Variants in SH3D19 observed in about 807,000 individuals in gnomAD.
The protein encoded by SH3D19 is SH3 domain-containing protein 19.
In SH3D19, 58 loss-of-function variants were observed where a neutral mutation model predicts 112.1. The ratio of observed to expected loss-of-function variants is 0.52; its 90% CI spans 0.42 to 0.64. The LOEUF (loss-of-function observed/expected upper bound fraction) is 0.64. Ranked by LOEUF, SH3D19 falls within the 30% of genes least tolerant of loss-of-function variation. The probability of loss-of-function intolerance (pLI) is 0.00; values close to 1 mark genes in which losing one functional copy is unlikely to be tolerated. For missense variants in SH3D19, 1,090 were observed against 1,263.4 expected (o/e 0.86, Z 2.08); for synonymous variants, 391 against 448.5 (o/e 0.87, Z 1.62).
At chr4:151,316,512 G>C (rs951082485) in intron 1 of SH3D19, among the ~76,000 whole-genome samples, 4 of 151,746 alleles carry the variant, frequency 2.6e-5, no homozygotes, top group Admixed American at 1.3e-4. Context: ...GGGGTATATG[G>C]GAGCTCTTTG....
At chr4:151,255,871 T>C (rs981816788) in intron 1 of SH3D19, among the ~76,000 whole-genome samples, 1 of 152,136 alleles carries the variant, frequency 6.6e-6, no homozygotes, top group African/African-American at 2.4e-5. Context: ...CCAAAACCAG[T>C]CAGGCGTGGC....
At chr4:151,283,090 A>C (rs1457941459) in intron 1 of SH3D19, 2 of 1,609,992 alleles carry the variant, frequency 1.2e-6, no homozygotes, top group Admixed American at 1.7e-5. Flanking sequence ...GGTTGCTTTA[A>C]TCTTTTGTTC....
At chr4:151,316,624 G>A (rs975754627) in intron 1 of SH3D19, among the ~76,000 whole-genome samples, 1 of 150,116 alleles carries the variant, frequency 6.7e-6, no homozygotes. Flanking sequence ...GTATAACTTG[G>A]AACAAATTTT....
intron 1 of SH3D19, among the ~76,000 whole-genome samples, chr4:151,273,442 T>C (rs1446471545): frequency 6.6e-6 from 1 of 151,516 alleles, no homozygotes; most frequent in Non-Finnish European, 1.5e-5. Flanking sequence ...TACAAAAAAT[T>C]AGCTGGGCGT....
Position 151,127,610 on chromosome 4 carries a change from A to C in SH3D19, c.3027+8T>G. 1 of 1,558,122 alleles carries C rather than the reference A, an allele frequency of 6.4e-7. No homozygotes were observed. The highest frequency in any genetic ancestry group is 8.7e-7 in the Non-Finnish European group (1 of 1,145,704). ...TTAATGCAGTTATGAAGAGATACAC[A>C]TTCTGACCTTGAAGGAAAGTTCATC... On this transcript the variant is annotated splice_region_variant and intron_variant, in intron 19 of 19. Coordinates refer to ENST00000604030, the MANE Select transcript of SH3D19 (RefSeq NM_001378122.1).
At chr4:151,303,367 T>C (rs1227975124) in intron 1 of SH3D19, among the ~76,000 whole-genome samples, 1 of 152,234 alleles carries the variant, frequency 6.6e-6, no homozygotes, top group East Asian at 1.9e-4. Flanking sequence ...ATTAACAGGA[T>C]GGCATTTGCT....
intron 1 of SH3D19, among the ~76,000 whole-genome samples, chr4:151,316,713 C>T (rs1390320613): frequency 6.6e-6 from 1 of 151,898 alleles, no homozygotes; most frequent in African/African-American, 2.4e-5. Flanking sequence ...AGCTCCTACC[C>T]TCACCCCCAT....
intron 1 of SH3D19, among the ~76,000 whole-genome samples, chr4:151,231,954 T>C (rs1028519088): frequency 3.3e-5 from 5 of 151,998 alleles, no homozygotes; most frequent in Non-Finnish European, 7.4e-5. Flanking sequence ...GAGGCTGAGG[T>C]GGGCGGATCA....
intron 1 of SH3D19, among the ~76,000 whole-genome samples, chr4:151,287,260 GA>G (rs1774891628): frequency 6.8e-6 from 1 of 146,828 alleles, no homozygotes; most frequent in South Asian, 2.2e-4. Context: ...AGAATCACTT[GA>G]ACCCGGGAGG....
intron 1 of SH3D19, among the ~76,000 whole-genome samples, chr4:151,318,851 A>T (rs1730268030): frequency 3.3e-5 from 5 of 152,196 alleles, no homozygotes; most frequent in Admixed American, 3.3e-4. Context: ...TGATTCTCTC[A>T]TGTCAAACTG....
At chr4:151,233,360 C>G (rs1164950162) in intron 1 of SH3D19, among the ~76,000 whole-genome samples, 4 of 152,168 alleles carry the variant, frequency 2.6e-5, no homozygotes, top group African/African-American at 9.7e-5. Flanking sequence ...ATGAGACCAG[C>G]CCCTGGTGCC....
intron 7 of SH3D19, among the ~76,000 whole-genome samples, chr4:151,168,328 A>G (rs988912946): frequency 2.6e-5 from 4 of 152,138 alleles, no homozygotes; most frequent in Admixed American, 2.6e-4. Context: ...TCTTTCCAAA[A>G]ACTGGATTTT....
At chr4:151,190,290 A>G (rs1762422345) in intron 2 of SH3D19, among the ~76,000 whole-genome samples, 1 of 152,208 alleles carries the variant, frequency 6.6e-6, no homozygotes, top group African/African-American at 2.4e-5. Flanking sequence ...GTGATAAAAG[A>G]GAAAATCCCA....
chr4:151,285,042 T>C (rs1273251240), intron 1 of SH3D19, among the ~76,000 whole-genome samples: 1 of 152,106 alleles, frequency 6.6e-6, no homozygotes, highest in Non-Finnish European at 1.5e-5. Flanking sequence ...GGGTTTCTTT[T>C]ACCAGCCACT....
At chr4:151,146,815 T>C (rs947133526) in intron 11 of SH3D19, among the ~76,000 whole-genome samples, 4 of 152,242 alleles carry the variant, frequency 2.6e-5, no homozygotes, top group African/African-American at 7.2e-5. Flanking sequence ...ATTACAGGCA[T>C]GAGCCACCAC....
chr4:151,260,488 T>C (rs186497094), intron 1 of SH3D19, among the ~76,000 whole-genome samples: 5 of 152,340 alleles, frequency 3.3e-5, no homozygotes, highest in African/African-American at 7.2e-5. Context: ...GCAATGCATA[T>C]ACCATTCTTG....
chr4:151,321,222 T>C (rs1198957356), intron 1 of SH3D19, among the ~76,000 whole-genome samples: 2 of 152,132 alleles, frequency 1.3e-5, no homozygotes, highest in African/African-American at 4.8e-5. Flanking sequence ...CTATCCTTGA[T>C]TTGCCTGGGA....
intron 9 of SH3D19, among the ~76,000 whole-genome samples, chr4:151,158,694 AT>A (rs200231855): frequency 0.01 from 1,482 of 147,800 alleles, 18 homozygotes; most frequent in African/African-American, 0.019. Context: ...AAAAAAAAAA[AT>A]AAATAAAAGT....
chr4:151,130,075 C>G (rs1339871403), intron 17 of SH3D19, among the ~76,000 whole-genome samples: 1 of 152,158 alleles, frequency 6.6e-6, no homozygotes, highest in Non-Finnish European at 1.5e-5. Context: ...AAGGGACACA[C>G]AGGCCAATTA....
Sources: gnomAD v4.1 joint callset for allele counts (sites outside exome capture counted in the v4.1 genomes callset) on GRCh38, gnomAD v4.1.1 for gene constraint, MANE v1.5 for transcripts, NCBI Gene and HGNC (gene_info 2026-07-23, HGNC 2026-07-21) for gene names.